The following FOXP1 variants were observed in gnomAD, a reference collection of about 807,000 sequenced individuals.
FOXP1 encodes forkhead box P1, also known as forkhead box protein P1.
A neutral mutation model predicts 98.2 loss-of-function variants in FOXP1; 15 were observed. The observed-to-expected ratio is 0.15, with a 90% CI of 0.10 to 0.24. The LOEUF (loss-of-function observed/expected upper bound fraction) is 0.24. Among genes scored for constraint, FOXP1 ranks in the 10% least tolerant of loss-of-function variants. The pLI, the probability that FOXP1 is intolerant of heterozygous loss-of-function variation, is 1.00. For missense variants in FOXP1, 633 were observed against 848.5 expected, an observed-to-expected ratio of 0.75 and a Z score of 3.15; for synonymous variants, 371 against 314.5, an observed-to-expected ratio of 1.18 and a Z score of -1.90.
intron 4 of FOXP1, among the ~76,000 whole-genome samples, chr3:71,345,399 C>T (rs4677609): frequency 0.11 from 481 of 4,566 alleles, 10 homozygotes; most frequent in East Asian, 0.38. Context: ...AATATATATA[C>T]ACACACACAC....
At chr3:71,092,534 G>T (rs186511247) in intron 7 of FOXP1, among the ~76,000 whole-genome samples, 1 of 152,262 alleles carries the variant, frequency 6.6e-6, no homozygotes, top group Non-Finnish European at 1.5e-5. Flanking sequence ...CTGGTCTGTG[G>T]AACCGAAGCA....
At chr3:71,386,444 G>A (rs575896303) in intron 3 of FOXP1, among the ~76,000 whole-genome samples, 3 of 152,138 alleles carry the variant, frequency 2.0e-5, no homozygotes, top group East Asian at 3.9e-4. Context: ...TGTTAACTAC[G>A]CATAATAATA....
intron 2 of FOXP1, among the ~76,000 whole-genome samples, chr3:71,497,602 G>A (rs2107129035): frequency 6.6e-6 from 1 of 152,256 alleles, no homozygotes; most frequent in South Asian, 2.1e-4. Context: ...ATAGTCCAGA[G>A]ATTCTTAAAC....
chr3:71,519,501 AT>A (rs1209700300), intron 2 of FOXP1, among the ~76,000 whole-genome samples: 1 of 152,092 alleles, frequency 6.6e-6, no homozygotes, highest in Non-Finnish European at 1.5e-5. Context: ...GTATATTAGG[AT>A]TCTCTCAGGA....
At chr3:71,438,492 C>G (rs1577512616) in intron 3 of FOXP1, among the ~76,000 whole-genome samples, 1 of 152,278 alleles carries the variant, frequency 6.6e-6, no homozygotes, top group East Asian at 1.9e-4. Context: ...AGAGGAAACT[C>G]TGGCTCACAA....
intron 9 of FOXP1, among the ~76,000 whole-genome samples, chr3:71,047,676 C>T (rs2049217206): frequency 6.6e-6 from 1 of 152,158 alleles, no homozygotes; most frequent in South Asian, 2.1e-4. Context: ...ATTTTAATTA[C>T]ACACATTCAT....
chr3:71,253,267 G>C (rs2068358550), intron 5 of FOXP1, among the ~76,000 whole-genome samples: 1 of 152,222 alleles, frequency 6.6e-6, no homozygotes, highest in African/African-American at 2.4e-5. Context: ...GTGGACAGCT[G>C]GGCATGTATC....
chr3:71,175,845 G>A (rs1203587652), intron 6 of FOXP1, among the ~76,000 whole-genome samples: 1 of 152,186 alleles, frequency 6.6e-6, no homozygotes, highest in Non-Finnish European at 1.5e-5. Flanking sequence ...ATCGTGCTAA[G>A]CAATTGTTCT....
At chr3:71,283,234 C>T (rs1037243552) in intron 5 of FOXP1, among the ~76,000 whole-genome samples, 1 of 152,182 alleles carries the variant, frequency 6.6e-6, no homozygotes, top group Non-Finnish European at 1.5e-5. Context: ...TACGGACTCA[C>T]AGAGCAAACA....
chr3:71,413,242 C>T (rs1274135770), intron 3 of FOXP1, among the ~76,000 whole-genome samples: 11 of 76,286 alleles, frequency 1.4e-4, no homozygotes, highest in Admixed American at 1.4e-3. Flanking sequence ...AATAGACACA[C>T]ACACATCCCC....
chr3:71,176,043 A>G (rs890474726), intron 6 of FOXP1, among the ~76,000 whole-genome samples: 4 of 152,264 alleles, frequency 2.6e-5, no homozygotes, highest in Non-Finnish European at 4.4e-5. Flanking sequence ...GGACTAACTC[A>G]TTAATCAGTG....
chr3:71,186,635 C>G (rs758677994), intron 6 of FOXP1, among the ~76,000 whole-genome samples: 1 of 152,146 alleles, frequency 6.6e-6, no homozygotes, highest in Non-Finnish European at 1.5e-5. Context: ...CTCTTGAACC[C>G]GGGAGGTGGA....
chr3:71,409,149 G>A (rs1441490890), intron 3 of FOXP1, among the ~76,000 whole-genome samples: 1 of 152,068 alleles, frequency 6.6e-6, no homozygotes, highest in Non-Finnish European at 1.5e-5. Flanking sequence ...ATATTCTCAT[G>A]GCCCCCTCAG....
At chr3:71,240,334 G>A (rs2067148941) in intron 5 of FOXP1, among the ~76,000 whole-genome samples, 1 of 152,228 alleles carries the variant, frequency 6.6e-6, no homozygotes, top group South Asian at 2.1e-4. Context: ...CAGTGTACTG[G>A]CCAAAGGCCA....
intron 20 of FOXP1, among the ~76,000 whole-genome samples, chr3:70,961,478 G>A (rs927152919): frequency 1.3e-5 from 2 of 152,148 alleles, no homozygotes; most frequent in East Asian, 1.9e-4. Flanking sequence ...TGATCCACCC[G>A]CCTTGGCCTC....
intron 6 of FOXP1, among the ~76,000 whole-genome samples, chr3:71,121,240 A>G (rs569751709): frequency 3.3e-5 from 5 of 152,108 alleles, no homozygotes; most frequent in Admixed American, 3.3e-4. Flanking sequence ...CCCCACCGCC[A>G]ATCAAGCCCA....
intron 11 of FOXP1, among the ~76,000 whole-genome samples, chr3:71,026,022 C>T (rs551080810): frequency 2.0e-5 from 3 of 152,324 alleles, no homozygotes; most frequent in East Asian, 1.9e-4. Flanking sequence ...CATATTCAGT[C>T]AAGGTCCCTT....
At chr3:71,356,046 G>A (rs762951701) in intron 4 of FOXP1, among the ~76,000 whole-genome samples, 33 of 152,104 alleles carry the variant, frequency 2.2e-4, no homozygotes, top group South Asian at 6.2e-4. Context: ...CTGCTTTGCC[G>A]AGTCAGCACA....
chr3:71,450,581 T>G (rs1324840728), intron 3 of FOXP1, among the ~76,000 whole-genome samples: 1 of 152,228 alleles, frequency 6.6e-6, no homozygotes, highest in Non-Finnish European at 1.5e-5. Flanking sequence ...TAATGTCTAG[T>G]GTACTGTGAT....
Sources: gnomAD v4.1 joint callset for allele counts (sites outside exome capture counted in the v4.1 genomes callset) on GRCh38, gnomAD v4.1.1 for gene constraint, MANE v1.5 for transcripts, NCBI Gene and HGNC (gene_info 2026-07-23, HGNC 2026-07-21) for gene names.